The following LMBRD1 variants were observed in gnomAD, a reference collection of about 807,000 sequenced individuals.
LMBRD1 encodes the protein LMBR1 domain containing 1, also known as lysosomal cobalamin transport escort protein LMBD1.
LMBRD1 carries 64 observed loss-of-function variants against 74.8 expected under a neutral mutation model. The ratio of observed to expected loss-of-function variants is 0.86; its 90% CI spans 0.70 to 1.05. The LOEUF is 1.05. Ranked by LOEUF, LMBRD1 falls within the 50% of genes least tolerant of loss-of-function variation. LMBRD1 has a pLI of 0.00. For synonymous variants in LMBRD1, 204 were observed against 216.3 expected, an observed-to-expected ratio of 0.94 and a Z score of 0.50; for missense variants, 652 against 645.9, an observed-to-expected ratio of 1.01 and a Z score of -0.10.
At chr6:69,788,187 T>C (rs866313786) in intron 2 of LMBRD1, among the ~76,000 whole-genome samples, 2 of 152,240 alleles carry the variant, frequency 1.3e-5, no homozygotes, top group Middle Eastern at 3.4e-3. Flanking sequence ...TTGTTACATA[T>C]GTATAAAGAT....
intron 14 of LMBRD1, among the ~76,000 whole-genome samples, chr6:69,679,665 T>C (rs1765621278): frequency 6.6e-6 from 1 of 152,160 alleles, no homozygotes; most frequent in African/African-American, 2.4e-5. Context: ...ATAACTAAAA[T>C]GTCCAGCATG....
chr6:69,774,654 A>C (rs1765649244), intron 3 of LMBRD1, among the ~76,000 whole-genome samples: 2 of 152,152 alleles, frequency 1.3e-5, no homozygotes, highest in Admixed American at 1.3e-4. Flanking sequence ...AACACAGACA[A>C]CATAAGGGAT....
intron 9 of LMBRD1, among the ~76,000 whole-genome samples, chr6:69,706,978 A>C (rs1475929358): frequency 1.3e-5 from 2 of 152,148 alleles, no homozygotes; most frequent in Non-Finnish European, 2.9e-5. Flanking sequence ...TCACAGGCCC[A>C]AAACCAAGAG....
chr6:69,679,554 T>C (rs1396973384), intron 14 of LMBRD1, among the ~76,000 whole-genome samples: 1 of 152,142 alleles, frequency 6.6e-6, no homozygotes, highest in Admixed American at 6.6e-5. Flanking sequence ...TTTAAATTTA[T>C]ATTAATTAAA....
chr6:69,780,605 A>T, intron 2 of LMBRD1, 51 bp from the exon 3 acceptor site: 1 of 1,412,746 alleles, frequency 7.1e-7, no homozygotes, highest in East Asian at 2.3e-5. Flanking sequence ...CATTTGCCTA[A>T]CAATTAAAAG....
At chr6:69,757,394 C>G (rs1415431666) in intron 3 of LMBRD1, among the ~76,000 whole-genome samples, 1 of 152,204 alleles carries the variant, frequency 6.6e-6, no homozygotes, top group Admixed American at 6.5e-5. Flanking sequence ...AGAACAGACA[C>G]AATTCTCAAC....
At chr6:69,725,693 T>C (rs1306691312) in intron 7 of LMBRD1, among the ~76,000 whole-genome samples, 1 of 152,168 alleles carries the variant, frequency 6.6e-6, no homozygotes, top group Non-Finnish European at 1.5e-5. Context: ...TGTAGAAGAA[T>C]GAATCTAGAC....
At chr6:69,766,789 T>C (rs1407676994) in intron 3 of LMBRD1, among the ~76,000 whole-genome samples, 1 of 151,684 alleles carries the variant, frequency 6.6e-6, no homozygotes, top group Non-Finnish European at 1.5e-5. Context: ...ATTGGTATAA[T>C]TATTTAAATA....
chr6:69,692,693 T>C (rs936658255), intron 14 of LMBRD1, among the ~76,000 whole-genome samples: 2 of 152,124 alleles, frequency 1.3e-5, no homozygotes, highest in African/African-American at 4.8e-5. Context: ...CTCTTTTGGG[T>C]CCACAGAAAG....
intron 7 of LMBRD1, among the ~76,000 whole-genome samples, chr6:69,730,503 C>A (rs2149864089): frequency 6.6e-6 from 1 of 152,134 alleles, no homozygotes; most frequent in Non-Finnish European, 1.5e-5. Context: ...AATTTGGATG[C>A]ATCTAAAAAT....
intron 2 of LMBRD1, among the ~76,000 whole-genome samples, chr6:69,788,639 C>A (rs751372422): frequency 1.8e-4 from 27 of 152,046 alleles, no homozygotes; most frequent in Non-Finnish European, 3.5e-4. Context: ...TTTATTCTTG[C>A]CCAATAATAA....
intron 3 of LMBRD1, among the ~76,000 whole-genome samples, chr6:69,776,629 G>C (rs1300191330): frequency 6.6e-6 from 1 of 152,166 alleles, no homozygotes; most frequent in Non-Finnish European, 1.5e-5. Context: ...AGCATAAGTA[G>C]GTCCCATGGA....
chr6:69,679,046 A>C (rs1765606499), intron 14 of LMBRD1, among the ~76,000 whole-genome samples: 1 of 82,730 alleles, frequency 1.2e-5, no homozygotes, highest in Admixed American at 1.3e-4. Flanking sequence ...GTTAAAACAA[A>C]AAAAAAAAAA....
chr6:69,768,638 CT>C (rs1296030723), intron 3 of LMBRD1, among the ~76,000 whole-genome samples: 1 of 151,800 alleles, frequency 6.6e-6, no homozygotes, highest in East Asian at 1.9e-4. Flanking sequence ...AATATAGTGC[CT>C]TTATATTAAA....
rs966862128 is a variant in LMBRD1 at position 69,674,111 on chromosome 6, G to C, written c.*2047C>G. Among the ~76,000 whole-genome samples, 1 of 152,168 alleles carries C rather than the reference G, an allele frequency of 6.6e-6. No individual in the cohort carries two copies. Among genetic ancestry groups the C allele is most frequent in the Non-Finnish European group, 1.5e-5 (1 of 68,020 alleles). On this transcript the variant is annotated 3_prime_UTR_variant, in exon 16 of 16. Transcript: ENST00000649934. ...GATTCTCCTGAGGCCTCTCCTGTTG[G>C]CTTGCAGACCACTGCCTTCTCATTG...
chr6:69,701,404 C>G (rs777152526), intron 11 of LMBRD1, 39 bp downstream of exon 11: 10 of 1,127,884 alleles, frequency 8.9e-6, no homozygotes, highest in Non-Finnish European at 1.3e-5. Flanking sequence ...ATTTTATACT[C>G]TAGCAGCTAC....
chr6:69,731,828 T>C (rs561836437), intron 7 of LMBRD1, among the ~76,000 whole-genome samples: 6 of 152,212 alleles, frequency 3.9e-5, no homozygotes, highest in Admixed American at 1.3e-4. Context: ...CTGTGTCGTA[T>C]AGTAAAACAT....
At chr6:69,774,730 C>A (rs972263390) in intron 3 of LMBRD1, among the ~76,000 whole-genome samples, 3 of 151,988 alleles carry the variant, frequency 2.0e-5, no homozygotes, top group Non-Finnish European at 2.9e-5. Context: ...GCTAAGCCTG[C>A]ATAGCAGGTC....
At chr6:69,688,746 T>A (rs201634047) in intron 14 of LMBRD1, among the ~76,000 whole-genome samples, 2 of 151,404 alleles carry the variant, frequency 1.3e-5, no homozygotes, top group African/African-American at 2.4e-5. Context: ...GATATTTATT[T>A]AAAAAAAATA....
Sources: gnomAD v4.1 joint callset for allele counts (sites outside exome capture counted in the v4.1 genomes callset) on GRCh38, gnomAD v4.1.1 for gene constraint, MANE v1.5 for transcripts, NCBI Gene and HGNC (gene_info 2026-07-23, HGNC 2026-07-21) for gene names.